Variants in ECT2 observed in about 807,000 individuals in gnomAD.
The protein encoded by ECT2 is epithelial cell transforming 2, also known as protein ECT2.
A neutral mutation model predicts 116.9 loss-of-function variants in ECT2; 61 were observed. The ratio of observed to expected loss-of-function variants is 0.52; its 90% confidence interval spans 0.42 to 0.65. The LOEUF (loss-of-function observed/expected upper bound fraction) is 0.65, where lower values mean the gene tolerates loss of function less well. Ranked by LOEUF, ECT2 falls within the 30% of genes least tolerant of loss-of-function variation. ECT2 has a pLI of 0.00. For synonymous variants in ECT2, 358 were observed against 346.4 expected (o/e 1.03, Z -0.37); for missense variants, 937 against 1,078.7 (o/e 0.87, Z 1.84).
At chr3:172,797,470 T>A (rs972394788) in intron 18 of ECT2, among the ~76,000 whole-genome samples, 2 of 152,254 alleles carry the variant, frequency 1.3e-5, no homozygotes, top group Non-Finnish European at 2.9e-5. Context: ...CTTTCATAAC[T>A]GTTTTCTGTG....
At position 172,821,436 on chromosome 3, in the gene ECT2, G is replaced by A. The variant is rs1730674251; in HGVS notation, c.*1199G>A. 6.6e-6 allele frequency: 1 copy of A among 151,856 alleles called. No homozygotes were observed. The highest frequency in any genetic ancestry group is 2.1e-4 in the South Asian group (1 of 4,836). 9.4% of individuals were successfully genotyped at this position (151,856 alleles called of 1,614,324 possible). On this transcript the variant is annotated 3_prime_UTR_variant, in exon 25 of 25. Coordinates refer to ENST00000392692, the MANE Select transcript of ECT2 (RefSeq NM_001258315.2). ...CTACATTTTAAAAGCAATTGTATTA[G>A]TAAGAACTTTGTAAATAAATACCTA...
rs757233396 is a variant in ECT2, at chr3:172,816,716, A to G, written c.2534A>G (p.Lys845Arg). 8 of 1,604,942 alleles carry G rather than the reference A, an allele frequency of 5.0e-6. No homozygotes were observed. Among genetic ancestry groups the G allele is most frequent in the Non-Finnish European group, 6.8e-6 (8 of 1,173,738 alleles). Reference protein sequence around the residue: ...KKVTRAFSFSKTPKRALRRAL... With the variant: ...KKVTRAFSFSRTPKRALRRAL... ...GTTACAAGAGCATTCTCTTTCTCCA[A>G]AACTCCAAAAAGAGCTCTTCGAAGG... The change falls in exon 24 of 25, where the codon AAA (lysine) becomes AGA (arginine). Residue 845 changes from lysine to arginine, a missense_variant. Transcript: ENST00000392692.
chr3:172,753,444 C>CAA (rs751367445), intron 1 of ECT2, among the ~76,000 whole-genome samples: 8 of 152,160 alleles, frequency 5.3e-5, no homozygotes. Context: ...CTTTTAAACT[C>CAA]TTCTTAAGTC....
intron 24 of ECT2, 41 bp downstream of exon 24, chr3:172,816,878 G>C (rs751660386): frequency 6.9e-7 from 1 of 1,446,786 alleles, no homozygotes; most frequent in East Asian, 2.4e-5. Context: ...ACTTATTTAT[G>C]AAGTTGTTAT....
chr3:172,795,087 C>T (rs1339789806), intron 18 of ECT2, among the ~76,000 whole-genome samples: 3 of 151,966 alleles, frequency 2.0e-5, no homozygotes, highest in Non-Finnish European at 2.9e-5. Context: ...AACTATATTT[C>T]GTGGTTTTCA....
At chr3:172,809,601 A>G (rs1001635800) in intron 22 of ECT2, among the ~76,000 whole-genome samples, 3 of 150,448 alleles carry the variant, frequency 2.0e-5, no homozygotes, top group Non-Finnish European at 4.4e-5. Context: ...ACACACACGC[A>G]CACACACACG....
intron 24 of ECT2, chr3:172,818,612 T>A (rs1730178228): frequency 7.8e-7 from 1 of 1,288,930 alleles, no homozygotes. Flanking sequence ...GTTCAGCGCC[T>A]AAACTCTACT....
intron 14 of ECT2, among the ~76,000 whole-genome samples, chr3:172,776,353 G>A (rs756307472): frequency 2.0e-5 from 3 of 151,750 alleles, no homozygotes; most frequent in Non-Finnish European, 4.4e-5. Flanking sequence ...AAACCAGTAC[G>A]TGCCGTGAAA....
chr3:172,789,001 T>C (rs1167472125), intron 18 of ECT2, among the ~76,000 whole-genome samples: 1 of 142,392 alleles, frequency 7.0e-6, no homozygotes, highest in African/African-American at 2.6e-5. Flanking sequence ...GAGGTTGCAG[T>C]GAGCTGAGAT....
rs1196351242 is a variant in ECT2 at position 172,757,144 on chromosome 3, A to G, written c.465A>G (p.Leu155=). 10 of 1,511,174 alleles carry G rather than the reference A, an allele frequency of 6.6e-6. No individual in the cohort carries two copies. 93.6% of individuals were successfully genotyped at this position (1,511,174 alleles called of 1,614,324 possible). The change falls in exon 5 of 25, where the codon TTA becomes TTG. Residue 155 remains leucine, a synonymous_variant. Coordinates refer to ENST00000392692, the MANE Select transcript of ECT2 (RefSeq NM_001258315.2). ...DCRVIGPPVV[L]NCSQKGEPLP... ...GAGTTATTGGACCACCAGTTGTATT[A>G]AATTGTTCACAAAAAGGAGAGGTAA...
the ECT2 span, chr3:172,828,890 A>G: frequency 8.5e-6 from 12 of 1,413,282 alleles, no homozygotes; most frequent in East Asian, 1.2e-4. Flanking sequence ...GGCATAGCCA[A>G]TGATCAAGCT....
At position 172,755,304 on chromosome 3, in the gene ECT2, C is replaced by G. The variant is rs373780438; in HGVS notation, c.140C>G (p.Pro47Arg). ...GSTSYVEEEM[P>R]QIETRVILVQ... is the part of the protein sequence containing the mutation. ...TTTTACATTTTAACAGAAGAGATGC[C>G]TCAGATTGAAACAAGAGTGATATTG... The change falls in exon 3 of 25, where the codon CCT becomes CGT. Residue 47 changes from proline to arginine, a missense_variant. Pro to Arg is a moderately radical substitution (Grantham distance 103). Coordinates refer to ENST00000392692, the MANE Select transcript of ECT2 (RefSeq NM_001258315.2). The G allele has an allele frequency of 1.9e-6, 3 of 1,600,268 alleles. No individual in the cohort carries two copies. The highest frequency in any genetic ancestry group is 2.5e-6 in the Non-Finnish European group (3 of 1,176,628).
chr3:172,825,184 C>G (rs116510400), downstream of ECT2, among the ~76,000 whole-genome samples: 99 of 152,120 alleles, frequency 6.5e-4, no homozygotes, highest in African/African-American at 1.9e-3. Context: ...TGTAATTGTT[C>G]TGGGGCACCA....
intron 22 of ECT2, among the ~76,000 whole-genome samples, chr3:172,813,594 A>T (rs1209741549): frequency 1.3e-5 from 2 of 152,202 alleles, no homozygotes; most frequent in Non-Finnish European, 1.5e-5. Context: ...ATAACATAAA[A>T]TTTACCAGTT....
intron 18 of ECT2, among the ~76,000 whole-genome samples, chr3:172,796,711 G>A (rs111240898): frequency 0.01 from 1,569 of 152,226 alleles, 34 homozygotes; most frequent in African/African-American, 0.035. Flanking sequence ...CGGTCGCCCA[G>A]GCTATAGTGC....
chr3:172,807,538 G>A (rs1356898120), intron 21 of ECT2, among the ~76,000 whole-genome samples: 1 of 152,080 alleles, frequency 6.6e-6, no homozygotes, highest in Non-Finnish European at 1.5e-5. Flanking sequence ...TTTACTTAAT[G>A]TCATTAACTT....
the ECT2 span, chr3:172,828,695 C>T: frequency 4.2e-5 from 18 of 426,024 alleles, no homozygotes; most frequent in African/African-American, 3.8e-4. Context: ...CATGGAGTCG[C>T]AGCAGCAGGG....
At chr3:172,759,098 T>C in intron 6 of ECT2, 29 bp downstream of exon 6, 1 of 1,456,646 alleles carries the variant, frequency 6.9e-7, no homozygotes, top group South Asian at 1.3e-5. Flanking sequence ...ATTCAAAGCG[T>C]ATTTTTTACA....
chr3:172,827,516 G>C, the ECT2 span, among the ~76,000 whole-genome samples: 1 of 152,166 alleles, frequency 6.6e-6, no homozygotes, highest in Admixed American at 6.5e-5. Context: ...AGTCAAATAA[G>C]CTAGGCACAA....
Sources: gnomAD v4.1 joint callset for allele counts (sites outside exome capture counted in the v4.1 genomes callset) on GRCh38, gnomAD v4.1.1 for gene constraint, MANE v1.5 for transcripts, NCBI Gene and HGNC (gene_info 2026-07-23, HGNC 2026-07-21) for gene names.